Variants in TSHZ2 observed in about 807,000 individuals in gnomAD.
TSHZ2 encodes teashirt homolog 2.
A neutral mutation model predicts 74.4 loss-of-function variants in TSHZ2; 21 were observed. The observed-to-expected ratio is 0.28, with a 90% CI of 0.20 to 0.41. The LOEUF (loss-of-function observed/expected upper bound fraction) is 0.41. Ranked by LOEUF, TSHZ2 falls within the 10% of genes least tolerant of loss-of-function variation. The pLI is 1.00. For missense variants in TSHZ2, 1,244 were observed against 1,293.5 expected, an observed-to-expected ratio of 0.96 and a Z score of 0.59; for synonymous variants, 540 against 515.3, an observed-to-expected ratio of 1.05 and a Z score of -0.65.
At chr20:53,376,881 G>C (rs6022430) in intron 2 of TSHZ2, among the ~76,000 whole-genome samples, 5,821 of 152,350 alleles carry the variant, frequency 0.038, 411 homozygotes, top group African/African-American at 0.13. Flanking sequence ...CCTAGCTTCA[G>C]AAGTTACCTC....
Position 53,253,562 on chromosome 20 carries a change from A to G in TSHZ2, c.104A>G (p.Asp35Gly), listed in dbSNP as rs1389003162. The G allele has an allele frequency of 6.2e-7, 1 of 1,613,816 alleles. No homozygotes were observed. Among genetic ancestry groups the G allele is most frequent in the Non-Finnish European group, 8.5e-7 (1 of 1,179,928 alleles). Reference protein sequence around the residue: ...EEIKEEEEEEDSGSVAQLQGG... With the variant: ...EEIKEEEEEEGSGSVAQLQGG... ...ATAAAAGAAGAGGAGGAGGAGGAGG[A>G]CAGCGGTTCAGTAGCTCAACTGCAG... The change falls in exon 2 of 3, where the codon GAC becomes GGC. Residue 35 changes from aspartate to glycine, a missense_variant. Physicochemically the swap from Asp to Gly is moderately conservative, Grantham distance 94. Around this residue, in one of 6 missense-constraint regions of TSHZ2, gnomAD observed 470 missense variants for 456.5 expected, o/e 1.03. Coordinates refer to ENST00000371497, the MANE Select transcript of TSHZ2 (RefSeq NM_173485.6).
intron 1 of TSHZ2, among the ~76,000 whole-genome samples, chr20:53,031,631 G>A (rs1238407065): frequency 2.0e-5 from 3 of 152,196 alleles, no homozygotes; most frequent in Admixed American, 6.5e-5. Flanking sequence ...AAAGTGTATA[G>A]AGGGTTGAGG....
chr20:53,125,752 A>T (rs1600702498), intron 1 of TSHZ2, among the ~76,000 whole-genome samples: 1 of 152,318 alleles, frequency 6.6e-6, no homozygotes, highest in Admixed American at 6.5e-5. Context: ...AAAAAAAAAA[A>T]TTGTGATGCA....
chr20:53,331,773 A>G (rs1417805748), intron 2 of TSHZ2, among the ~76,000 whole-genome samples: 2 of 151,994 alleles, frequency 1.3e-5, no homozygotes, highest in African/African-American at 4.8e-5. Context: ...TCCTGGGTGG[A>G]GTCGGGGCAT....
chr20:53,410,935 A>T (rs924226151), intron 2 of TSHZ2, among the ~76,000 whole-genome samples: 2 of 151,546 alleles, frequency 1.3e-5, no homozygotes, highest in Admixed American at 6.6e-5. Flanking sequence ...TTGGCCTCCC[A>T]AAATGCTGGG....
At chr20:53,341,754 A>C (rs553282927) in intron 2 of TSHZ2, among the ~76,000 whole-genome samples, 3 of 152,262 alleles carry the variant, frequency 2.0e-5, no homozygotes, top group African/African-American at 7.2e-5. Context: ...TCTGTTGCCC[A>C]GGCTGGAGTG....
intron 2 of TSHZ2, among the ~76,000 whole-genome samples, chr20:53,454,643 C>G (rs1984976360): frequency 6.6e-6 from 1 of 151,918 alleles, no homozygotes; most frequent in Admixed American, 6.6e-5. Context: ...GGTCTTCATT[C>G]AGATGTCACT....
intron 1 of TSHZ2, among the ~76,000 whole-genome samples, chr20:53,184,694 T>C (rs1988560537): frequency 6.6e-6 from 1 of 152,160 alleles, no homozygotes; most frequent in Non-Finnish European, 1.5e-5. Context: ...ATAATTTTTA[T>C]TGTTTTTAAT....
At chr20:53,247,917 T>C (rs954279089) in intron 1 of TSHZ2, among the ~76,000 whole-genome samples, 3 of 152,244 alleles carry the variant, frequency 2.0e-5, no homozygotes, top group Non-Finnish European at 2.9e-5. Context: ...TTGTGGACTT[T>C]CAAGGTGACT....
intron 2 of TSHZ2, among the ~76,000 whole-genome samples, chr20:53,384,457 T>C (rs951238673): frequency 6.6e-6 from 1 of 152,224 alleles, no homozygotes; most frequent in African/African-American, 2.4e-5. Context: ...GAGAGCATCA[T>C]ATAGTCTGTA....
chr20:53,256,050 C>A lies in TSHZ2; in HGVS notation c.2592C>A (p.Leu864=). ...LILQAQFASS[L]FQTSEGKYLL... ...TACAAGCCCAGTTTGCCTCGAGCCT[C>A]TTCCAGACATCAGAGGGCAAATACC... Residue 864 remains leucine, a synonymous_variant, in exon 2 of 3, where the codon CTC becomes CTA. Coordinates refer to ENST00000371497, the MANE Select transcript of TSHZ2 (RefSeq NM_173485.6). The surrounding 1 kb of genome is among the most constrained non-coding windows in gnomAD (Gnocchi z 4.3). The A allele has an allele frequency of 6.2e-7, 1 of 1,613,808 alleles. No homozygotes were observed. The highest frequency in any genetic ancestry group is 1.3e-5 in the African/African-American group (1 of 75,034).
intron 2 of TSHZ2, among the ~76,000 whole-genome samples, chr20:53,280,739 C>T (rs368011208): frequency 6.6e-6 from 1 of 151,934 alleles, no homozygotes. Flanking sequence ...GTCGTCCAGG[C>T]TGGAGTACAG....
chr20:53,244,982 G>T (rs1234642679), intron 1 of TSHZ2, among the ~76,000 whole-genome samples: 1 of 152,098 alleles, frequency 6.6e-6, no homozygotes, highest in African/African-American at 2.4e-5. Flanking sequence ...AAAGCTGTTG[G>T]CTTGGAATAA....
At position 53,308,522 on chromosome 20, in the gene TSHZ2, C is replaced by T. The variant is rs757383917; in HGVS notation, c.*8+51951C>T. ...GGATGTTGTACCAGCAAAAGGCCACCGACACTTAGGAATGATCCATGTCGA... is the reference window on the plus strand; with the variant it reads ...GGATGTTGTACCAGCAAAAGGCCACTGACACTTAGGAATGATCCATGTCGA... On this transcript the variant is annotated intron_variant, in intron 2 of 2. Transcript: ENST00000371497. Among the ~76,000 whole-genome samples the T allele has an allele frequency of 1.9e-4, 29 of 152,148 alleles. 1 individual carries two copies. The South Asian group carries it at 2.1e-3, about 11-fold the overall frequency.
intron 2 of TSHZ2, among the ~76,000 whole-genome samples, chr20:53,286,967 T>TG (rs1479266361): frequency 9.9e-5 from 15 of 151,056 alleles, no homozygotes; most frequent in African/African-American, 3.4e-4. Context: ...AGACCAAGGA[T>TG]GCCAGACCAG....
At chr20:52,983,853 G>C (rs529145863) in intron 1 of TSHZ2, among the ~76,000 whole-genome samples, 11 of 152,132 alleles carry the variant, frequency 7.2e-5, no homozygotes, top group Non-Finnish European at 1.3e-4. Context: ...CTCTCCCTGC[G>C]CGCTCTCCAA....
chr20:53,451,704 T>G (rs1600650693), intron 2 of TSHZ2, among the ~76,000 whole-genome samples: 1 of 152,338 alleles, frequency 6.6e-6, no homozygotes, highest in East Asian at 1.9e-4. Flanking sequence ...GTTTTTCTTT[T>G]TCATACTTTT....
intron 2 of TSHZ2, among the ~76,000 whole-genome samples, chr20:53,386,718 C>T (rs554509709): frequency 6.6e-6 from 1 of 152,126 alleles, no homozygotes; most frequent in African/African-American, 2.4e-5. Context: ...AAAATGGCTT[C>T]GGTGTAAGAT....
At chr20:53,396,247 T>A (rs1479869264) in intron 2 of TSHZ2, among the ~76,000 whole-genome samples, 3 of 151,846 alleles carry the variant, frequency 2.0e-5, no homozygotes. Context: ...ATTTTAAGGG[T>A]TTTAATGAGA....
Sources: gnomAD v4.1 joint callset for allele counts (sites outside exome capture counted in the v4.1 genomes callset) on GRCh38, gnomAD v4.1.1 for gene constraint, gnomAD v4.1.1 regional missense constraint, Gnocchi (gnomAD v3.1) non-coding constraint, MANE v1.5 for transcripts, NCBI Gene and HGNC (gene_info 2026-07-23, HGNC 2026-07-21) for gene names.